ZNF254: variants seen among roughly 807,000 people sequenced by gnomAD.
The protein encoded by ZNF254 is zinc finger protein 254, also known as CTD-2017D11.1.
In ZNF254, 10 loss-of-function variants were observed where a neutral mutation model predicts 12.4. The ratio of observed to expected loss-of-function variants is 0.80; its 90% CI spans 0.50 to 1.36. The LOEUF is 1.36. Among genes scored for constraint, ZNF254 ranks in the 40% most tolerant of loss-of-function variants. The pLI, the probability that ZNF254 is intolerant of heterozygous loss-of-function variation, is 0.00. For synonymous variants in ZNF254, 305 were observed against 253.4 expected (o/e 1.20, Z -1.93); for missense variants, 996 against 763.9 (o/e 1.30, Z -3.58).
In ZNF254 at chr19:24,123,684, A is replaced by G. The variant is rs140298678; in HGVS notation, c.254-2570A>G. Among the ~76,000 whole-genome samples, 85 of 152,276 alleles carry G rather than the reference A, an allele frequency of 5.6e-4. 2 individuals carry two copies. The highest frequency in any genetic ancestry group is 2.9e-4 in the African/African-American group (12 of 41,576). On this transcript the variant is annotated intron_variant, in intron 3 of 3. Coordinates refer to ENST00000357002, the MANE Select transcript of ZNF254 (RefSeq NM_203282.4). ...TCATAGGTTCCCAGTGAATGAATCT[A>G]TTATTTTTTGATGTCCTTTGTTTCT...
At chr19:24,102,123 G>T (rs1973066486) in intron 1 of ZNF254, among the ~76,000 whole-genome samples, 1 of 152,018 alleles carries the variant, frequency 6.6e-6, no homozygotes. Flanking sequence ...CATATGGTGG[G>T]TACAATAAAT....
rs561154517 is a variant in ZNF254, at chr19:24,116,428, C to T, written c.253+9785C>T. On this transcript the variant is annotated intron_variant, in intron 3 of 3. Transcript: ENST00000357002. ...TCTTTTTTCTCTAAACTTCCCTTCT[C>T]GCTTCATTTCATTCATTTCATCTTC... Among the ~76,000 whole-genome samples, 13 of 152,144 alleles carry T rather than the reference C, an allele frequency of 8.5e-5. No individual in the cohort carries two copies. In the South Asian group the frequency reaches 2.1e-3, roughly 24 times the overall value.
rs935520590 is a variant in ZNF254, at chr19:24,129,841, T to A, written c.*1861T>A. The A allele has an allele frequency of 1.3e-5, 2 of 152,010 alleles. No individual in the cohort carries two copies. The highest frequency in any genetic ancestry group is 4.8e-5 in the African/African-American group (2 of 41,450). 9.4% of individuals were successfully genotyped at this position (152,010 alleles called of 1,614,324 possible). On this transcript the variant is annotated 3_prime_UTR_variant, in exon 4 of 4. Transcript: ENST00000357002. Reference sequence around the variant, plus strand: ...TTTCTGAGTTCTGAATAAATATTTTTAAAAATTTTAATATATTTTTCTTTG... The same window carrying A: ...TTTCTGAGTTCTGAATAAATATTTTAAAAAATTTTAATATATTTTTCTTTG...
intron 2 of ZNF254, among the ~76,000 whole-genome samples, chr19:24,050,996 C>T (rs1043613121): frequency 1.3e-5 from 2 of 151,956 alleles, no homozygotes; most frequent in African/African-American, 4.8e-5. Context: ...GCCACTGCAC[C>T]TAGCTTCGAT....
In ZNF254 at chr19:24,089,479, C is replaced by G. The variant is rs140721544; in HGVS notation, c.30+2142C>G. Among the ~76,000 whole-genome samples, 749 of 152,034 alleles carry G rather than the reference C, an allele frequency of 4.9e-3. 4 individuals are homozygous for G. The highest frequency in any genetic ancestry group is 0.017 in the African/African-American group (718 of 41,484). On this transcript the variant is annotated intron_variant, in intron 1 of 3. Coordinates refer to ENST00000357002, the MANE Select transcript of ZNF254 (RefSeq NM_203282.4). ...TTGGGTCAAGTTTTCCTTTTGGAAACTATAGTGTGATGTGTCTTCAGTCAC... is the reference window on the plus strand; with the variant it reads ...TTGGGTCAAGTTTTCCTTTTGGAAAGTATAGTGTGATGTGTCTTCAGTCAC...
upstream of ZNF254, among the ~76,000 whole-genome samples, chr19:24,086,932 A>G (rs1255017048): frequency 6.6e-6 from 1 of 152,222 alleles, no homozygotes; most frequent in Admixed American, 6.5e-5. Context: ...TGAAAAAGAG[A>G]GAGAGCAAAA....
intron 2 of ZNF254, among the ~76,000 whole-genome samples, chr19:24,051,269 T>A (rs1970635355): frequency 6.6e-6 from 1 of 152,168 alleles, no homozygotes; most frequent in African/African-American, 2.4e-5. Context: ...GTGATTCACC[T>A]GCCTCAGCCT....
Position 24,127,454 on chromosome 19 carries a change from C to G in ZNF254, c.1454C>G (p.Thr485Ser), listed in dbSNP as rs758870483. Residue 485 changes from threonine (T) to serine (S), a missense_variant, in exon 4 of 4, where the codon ACT (threonine) becomes AGT (serine). Thr to Ser is a moderately conservative substitution (Grantham distance 58). Coordinates refer to ENST00000357002, the MANE Select transcript of ZNF254 (RefSeq NM_203282.4). The part of the protein sequence containing the change: ...STLTRHKRMH[T>S]GEKPYKCEEC... ...CTAACTAGACATAAGAGGATGCACACTGGAGAGAAACCCTACAAATGTGAA... is the reference window on the plus strand; with the variant it reads ...CTAACTAGACATAAGAGGATGCACAGTGGAGAGAAACCCTACAAATGTGAA... 1.6e-5 allele frequency: 25 copies of G among 1,612,302 alleles called. No homozygotes were observed. Among genetic ancestry groups the G allele is most frequent in the Non-Finnish European group, 4.2e-6 (5 of 1,178,884 alleles).
chr19:24,088,314 A>T (rs1297287240), intron 1 of ZNF254, among the ~76,000 whole-genome samples: 9 of 152,172 alleles, frequency 5.9e-5, no homozygotes, highest in Non-Finnish European at 1.2e-4. Context: ...CCGCTAATGT[A>T]GTAATTTACC....
intron 1 of ZNF254, chr19:24,104,949 AC>A (rs1227442572): frequency 1.3e-5 from 2 of 152,218 alleles, no homozygotes; most frequent in Non-Finnish European, 2.9e-5. Context: ...TAGAAAGACT[AC>A]TTAAAATCAC....
chr19:24,096,313 C>T (rs1972669247), intron 1 of ZNF254, among the ~76,000 whole-genome samples: 1 of 152,076 alleles, frequency 6.6e-6, no homozygotes, highest in Non-Finnish European at 1.5e-5. Flanking sequence ...CCTGCCTCAG[C>T]CTCCCAAAGT....
chr19:24,108,664 A>G (rs1296111702), intron 3 of ZNF254, among the ~76,000 whole-genome samples: 2 of 152,112 alleles, frequency 1.3e-5, no homozygotes, highest in East Asian at 3.9e-4. Flanking sequence ...ATGGCTGACA[A>G]ATTTTCTTGC....
chr19:24,111,183 A>G (rs2145852609), intron 3 of ZNF254, among the ~76,000 whole-genome samples: 1 of 138,672 alleles, frequency 7.2e-6, no homozygotes, highest in African/African-American at 2.7e-5. Flanking sequence ...ATTCCCACCT[A>G]TGAGTGAGAA....
chr19:24,058,444 C>T (rs1319503707), intron 2 of ZNF254, among the ~76,000 whole-genome samples: 1 of 146,820 alleles, frequency 6.8e-6, no homozygotes, highest in African/African-American at 2.5e-5. Flanking sequence ...GAATTTCGCT[C>T]TTGTTACCCA....
rs1237588312 is a variant in ZNF254 at position 24,041,657 on chromosome 19, C to A, written c.-189-4527C>A. Among the ~76,000 whole-genome samples the A allele has an allele frequency of 2.2e-4, 33 of 152,362 alleles. No individual in the cohort carries two copies. The South Asian group carries it at 6.8e-3, about 32-fold the overall frequency. ...CCGACGAGCACCACCCCCTGCTCCA[C>A]GGCGCCCAGTCCCATCGACCACCCA... is the stretch of plus-strand genomic sequence containing the variant. On this transcript the variant is annotated intron_variant, in intron 1 of 4. Transcript: ENST00000613065.
At chr19:24,100,788 G>T (rs561940533) in intron 1 of ZNF254, among the ~76,000 whole-genome samples, 43 of 148,566 alleles carry the variant, frequency 2.9e-4, no homozygotes, top group African/African-American at 9.2e-4. Flanking sequence ...CTTAAGCTTG[G>T]CCCAAATAAA....
chr19:24,083,825 C>T (rs1269331175), upstream of ZNF254, among the ~76,000 whole-genome samples: 2 of 152,022 alleles, frequency 1.3e-5, no homozygotes, highest in African/African-American at 4.8e-5. Context: ...ATAATTAAAA[C>T]ATCAAAAATA....
chr19:24,076,046 CAG>C (rs1971645539), intron 2 of ZNF254, among the ~76,000 whole-genome samples: 1 of 152,146 alleles, frequency 6.6e-6, no homozygotes. Flanking sequence ...TTAGGATGCC[CAG>C]AGTTCATATT....
chr19:24,044,661 C>T (rs1970311425), intron 1 of ZNF254, among the ~76,000 whole-genome samples: 1 of 145,826 alleles, frequency 6.9e-6, no homozygotes, highest in Admixed American at 6.8e-5. Context: ...TCTTATATTT[C>T]CACAGAATTA....
Sources: allele counts gnomAD v4.1 joint callset (sites outside exome capture counted in the v4.1 genomes callset), GRCh38; gene constraint gnomAD v4.1.1; transcripts MANE v1.5; gene names NCBI Gene and HGNC (gene_info 2026-07-23, HGNC 2026-07-21).